The following KCTD7 variants were observed in gnomAD, a reference collection of about 807,000 sequenced individuals.
KCTD7 encodes the protein BTB/POZ domain-containing protein KCTD7.
In KCTD7, 15 loss-of-function variants were observed where a neutral mutation model predicts 27.0. The ratio of observed to expected loss-of-function variants is 0.56; its 90% CI spans 0.37 to 0.86. KCTD7 has a LOEUF of 0.86. Ranked by LOEUF, KCTD7 falls within the 40% of genes least tolerant of loss-of-function variation. KCTD7 has a pLI of 0.00. For synonymous variants in KCTD7, 159 were observed against 162.7 expected (o/e 0.98, Z 0.17); for missense variants, 299 against 398.9 (o/e 0.75, Z 2.13).
Position 66,640,134 on chromosome 7 carries a change from T to G in KCTD7, c.*902T>G, listed in dbSNP as rs1338309519. 3 of 1,351,370 alleles carry G rather than the reference T, an allele frequency of 2.2e-6. No individual in the cohort carries two copies. The highest frequency in any genetic ancestry group is 3.5e-5 in the Admixed American group (1 of 28,562). 83.7% of individuals were successfully genotyped at this position (1,351,370 alleles called of 1,614,324 possible). On this transcript the variant is annotated 3_prime_UTR_variant, in exon 4 of 4. Coordinates refer to ENST00000639828, the MANE Select transcript of KCTD7 (RefSeq NM_153033.5). ...TCATGTGTTAGAATCCAGTTTGTGG[T>G]GAACCTCTTTGGAAGGGGACCCCCT...
At position 66,642,597 on chromosome 7, in the gene KCTD7, T is replaced by C; in HGVS notation, c.*3365T>C. On this transcript the variant is annotated 3_prime_UTR_variant, in exon 4 of 4. Transcript: ENST00000639828. The stretch of plus-strand genomic sequence containing the variant: ...CTAGTAATATTTCAAATATTGTCCT[T>C]CTGCATATGTTCTATCCATATTTGA... The C allele has an allele frequency of 1.0e-6, 1 of 985,438 alleles. No individual in the cohort carries two copies. The highest frequency in any genetic ancestry group is 1.2e-6 in the Non-Finnish European group (1 of 829,912). 61.0% of individuals were successfully genotyped at this position (985,438 alleles called of 1,614,324 possible).
chr7:66,628,907 A>T lies in KCTD7; in HGVS notation c.-158A>T. 1 of 640,074 alleles carries T rather than the reference A, an allele frequency of 1.6e-6. No homozygotes were observed. The highest frequency in any genetic ancestry group is 3.5e-5 in the South Asian group (1 of 28,550). The allele number at this position is 640,074 out of a possible 1,614,324, so 39.6% of individuals were successfully genotyped here. ...GCTGGGCGCGAGCGGGTCGGCGTTG[A>T]GGGAGCCACCGCCCTCCCGCCTGCG... is the stretch of plus-strand genomic sequence containing the variant. On this transcript the variant is annotated 5_prime_UTR_variant, in exon 1 of 4. Transcript: ENST00000639828.
intron 1 of KCTD7, among the ~76,000 whole-genome samples, chr7:66,632,549 T>C (rs1786476713): frequency 6.6e-6 from 1 of 151,540 alleles, no homozygotes; most frequent in Non-Finnish European, 1.5e-5. Context: ...GGTGCTTTTA[T>C]GCAGTGAACA....
chr7:66,637,147 G>A (rs1231408025), intron 2 of KCTD7, among the ~76,000 whole-genome samples: 3 of 152,168 alleles, frequency 2.0e-5, no homozygotes, highest in African/African-American at 7.2e-5. Flanking sequence ...GTGCAGTGGC[G>A]TGATCTTAGC....
intron 2 of KCTD7, among the ~76,000 whole-genome samples, chr7:66,635,217 G>A (rs1211260182): frequency 6.6e-6 from 1 of 151,930 alleles, no homozygotes; most frequent in Non-Finnish European, 1.5e-5. Context: ...TCACTATGTT[G>A]GCCAGGATGT....
intron 2 of KCTD7, among the ~76,000 whole-genome samples, chr7:66,636,921 A>G (rs1253827769): frequency 2.0e-5 from 3 of 152,194 alleles, no homozygotes; most frequent in African/African-American, 4.8e-5. Context: ...ATAGCTACAG[A>G]ATAATACTAG....
chr7:66,631,478 A>C (rs1786439947), intron 1 of KCTD7, among the ~76,000 whole-genome samples: 1 of 151,930 alleles, frequency 6.6e-6, no homozygotes, highest in South Asian at 2.1e-4. Context: ...CTGGGGCAGC[A>C]GAATCTCTTG....
chr7:66,631,351 T>G (rs1321871382), intron 1 of KCTD7, among the ~76,000 whole-genome samples: 1 of 152,044 alleles, frequency 6.6e-6, no homozygotes, highest in Non-Finnish European at 1.5e-5. Flanking sequence ...GGAAGATCAC[T>G]TGAGGTTAGG....
chr7:66,631,246 A>G (rs184371388), intron 1 of KCTD7, among the ~76,000 whole-genome samples: 1 of 152,344 alleles, frequency 6.6e-6, no homozygotes, highest in East Asian at 1.9e-4. Flanking sequence ...TGGGAAAGGT[A>G]CTGTGTAGAT....
rs1786735723 is a variant in KCTD7 at position 66,642,221 on chromosome 7, C to T, written c.*2989C>T. The T allele has an allele frequency of 1.0e-6, 1 of 985,428 alleles. No homozygotes were observed. Among genetic ancestry groups the T allele is most frequent in the Non-Finnish European group, 1.2e-6 (1 of 829,922 alleles). 61.0% of individuals were successfully genotyped at this position (985,428 alleles called of 1,614,324 possible). On this transcript the variant is annotated 3_prime_UTR_variant, in exon 4 of 4. Transcript: ENST00000639828. ...TCCAGGAGAGGAATTCTTAGCGTAA[C>T]ACTCTAAATAAATGGAAGGAATCAT...
chr7:66,639,061 G>A lies in KCTD7; in HGVS notation c.699G>A (p.Gly233=), dbSNP rs201990302. ...EHHCEVDVSF[G]PWEAVADVYD... ...ACTGTGAAGTGGATGTGTCTTTTGG[G>A]CCCTGGGAGGCTGTGGCTGATGTTT... The change falls in exon 4 of 4, where the codon GGG becomes GGA. Residue 233 remains glycine, a synonymous_variant. Transcript: ENST00000639828. 9 of 1,614,148 alleles carry A rather than the reference G, an allele frequency of 5.6e-6. No individual in the cohort carries two copies. The East Asian group carries it at 1.1e-4, about 20-fold the overall frequency.
Position 66,640,110 on chromosome 7 carries a change from C to A in KCTD7, c.*878C>A. The stretch of plus-strand genomic sequence containing the variant: ...CAGAACACCTCCTTGGCTGCTATCT[C>A]ATGTGTTAGAATCCAGTTTGTGGTG... On this transcript the variant is annotated 3_prime_UTR_variant, in exon 4 of 4. Transcript: ENST00000639828. 7.5e-7 allele frequency: 1 copy of A among 1,330,426 alleles called. No homozygotes were observed. The highest frequency in any genetic ancestry group is 9.6e-7 in the Non-Finnish European group (1 of 1,046,748). The allele number at this position is 1,330,426 out of a possible 1,614,324, so 82.4% of individuals were successfully genotyped here.
Position 66,641,581 on chromosome 7 carries a change from T to C in KCTD7, c.*2349T>C. The C allele has an allele frequency of 1.0e-6, 1 of 985,454 alleles. No homozygotes were observed. The highest frequency in any genetic ancestry group is 1.2e-6 in the Non-Finnish European group (1 of 829,940). The allele number at this position is 985,454 out of a possible 1,614,324, so 61.0% of individuals were successfully genotyped here. On this transcript the variant is annotated 3_prime_UTR_variant, in exon 4 of 4. Transcript: ENST00000639828. ...TCCTCTCTCTCGCTGGAGAAATCCCTGTTTCTCTGACTCCCTTTGTGATCC... is the reference window on the plus strand; with the variant it reads ...TCCTCTCTCTCGCTGGAGAAATCCCCGTTTCTCTGACTCCCTTTGTGATCC...
At chr7:66,630,386 T>G (rs1786418398) in intron 1 of KCTD7, among the ~76,000 whole-genome samples, 1 of 151,770 alleles carries the variant, frequency 6.6e-6, no homozygotes, top group Non-Finnish European at 1.5e-5. Flanking sequence ...AGGCCAGGAG[T>G]CTGGGACCAG....
intron 2 of KCTD7, among the ~76,000 whole-genome samples, chr7:66,634,134 A>ATATATATATATG (rs997286181): frequency 4.3e-4 from 63 of 145,660 alleles, no homozygotes; most frequent in African/African-American, 1.6e-3. Flanking sequence ...ATATATATAT[A>ATATATATATATG]TATGTATATA....
At chr7:66,635,941 G>A (rs1357917393) in intron 2 of KCTD7, among the ~76,000 whole-genome samples, 2 of 152,184 alleles carry the variant, frequency 1.3e-5, no homozygotes, top group Non-Finnish European at 2.9e-5. Context: ...AAGGGATTTT[G>A]GGGAGGGGTT....
rs267607199 is a variant in KCTD7 at position 66,633,425 on chromosome 7, C to T, written c.295C>T (p.Arg99Ter). ...TDSEGRYFIDRDGTHFGDVLN... is the reference protein window; with the variant it reads ...TDSEGRYFID Reference sequence around the variant, plus strand: ...CTCCGAGGGCCGGTACTTCATCGACCGAGATGGCACACACTTTGGGTATGT... The same window carrying T: ...CTCCGAGGGCCGGTACTTCATCGACTGAGATGGCACACACTTTGGGTATGT... The change falls in exon 2 of 4, where the codon CGA (arginine) becomes TGA (stop). Residue 99 changes from arginine (R) to a stop codon, truncating the protein, a stop_gained. Coordinates refer to ENST00000639828, the MANE Select transcript of KCTD7 (RefSeq NM_153033.5). LOFTEE classifies it high-confidence loss of function. The T allele has an allele frequency of 4.3e-6, 7 of 1,613,996 alleles. No individual in the cohort carries two copies. The Admixed American group carries it at 5.0e-5, about 12-fold the overall frequency.
chr7:66,629,112 T>G lies in KCTD7; in HGVS notation c.48T>G (p.Gly16=), dbSNP rs1057520527. ...AGCCAGACAGCCGTCGTCAGGACGGTGCCATGTCCAGCTCTGACGCCGAAG... is the reference window on the plus strand; with the variant it reads ...AGCCAGACAGCCGTCGTCAGGACGGGGCCATGTCCAGCTCTGACGCCGAAG... ...GREPDSRRQD[G]AMSSSDAEDD... The change falls in exon 1 of 4, where the codon GGT becomes GGG. Residue 16 remains glycine, a synonymous_variant. Coordinates refer to ENST00000639828, the MANE Select transcript of KCTD7 (RefSeq NM_153033.5). 1 of 1,542,490 alleles carries G rather than the reference T, an allele frequency of 6.5e-7. No homozygotes were observed. The highest frequency in any genetic ancestry group is 8.7e-7 in the Non-Finnish European group (1 of 1,147,026).
At chr7:66,630,545 T>G (rs957150402) in intron 1 of KCTD7, among the ~76,000 whole-genome samples, 2 of 152,198 alleles carry the variant, frequency 1.3e-5, no homozygotes, top group Non-Finnish European at 2.9e-5. Flanking sequence ...CCCAGGACAA[T>G]GGAGGCCCTC....
Sources: allele counts gnomAD v4.1 joint callset (sites outside exome capture counted in the v4.1 genomes callset), GRCh38; gene constraint gnomAD v4.1.1; transcripts MANE v1.5; gene names NCBI Gene and HGNC (gene_info 2026-07-23, HGNC 2026-07-21).